TCF7L1: variants seen among roughly 807,000 people sequenced by gnomAD.
The protein encoded by TCF7L1 is transcription factor 7 like 1.
A neutral mutation model predicts 63.7 loss-of-function variants in TCF7L1; 18 were observed. The observed-to-expected ratio is 0.28, with a 90% CI of 0.20 to 0.42. The LOEUF (loss-of-function observed/expected upper bound fraction) is 0.42, where lower values mean the gene tolerates loss of function less well. Ranked by LOEUF, TCF7L1 falls within the 10% of genes least tolerant of loss-of-function variation. The probability of loss-of-function intolerance (pLI) is 1.00; values close to 1 mark genes in which losing one functional copy is unlikely to be tolerated. For synonymous variants in TCF7L1, 355 were observed against 340.9 expected (o/e 1.04, Z -0.46); for missense variants, 654 against 779.3 (o/e 0.84, Z 1.91).
chr2:85,266,533 G>A (rs924879264), intron 3 of TCF7L1, among the ~76,000 whole-genome samples: 9 of 152,178 alleles, frequency 5.9e-5, no homozygotes, highest in African/African-American at 2.2e-4. Flanking sequence ...GATCTTTGTT[G>A]TCTGGCCCAC....
At chr2:85,223,671 G>A (rs1195733394) in intron 3 of TCF7L1, among the ~76,000 whole-genome samples, 2 of 152,118 alleles carry the variant, frequency 1.3e-5, no homozygotes, top group Non-Finnish European at 2.9e-5. Flanking sequence ...AAAAATTGGG[G>A]GAATGAGTGA....
chr2:85,206,304 C>G (rs530134442), intron 3 of TCF7L1, among the ~76,000 whole-genome samples: 1 of 152,344 alleles, frequency 6.6e-6, no homozygotes, highest in South Asian at 2.1e-4. Flanking sequence ...CAGAGACGCT[C>G]TGCAGTCACT....
rs374855336 is a variant in TCF7L1 at position 85,247,008 on chromosome 2, C to T, written c.442-36487C>T. Among the ~76,000 whole-genome samples the T allele has an allele frequency of 4.6e-5, 7 of 152,310 alleles. No individual in the cohort carries two copies. In the East Asian group the frequency reaches 9.6e-4, roughly 21 times the overall value. Reference sequence around the variant, plus strand: ...GTTTTAGCAGCTCTTTCCTTCATAACTGAAACAGTTGATTGATTGTGCTGT... The same window carrying T: ...GTTTTAGCAGCTCTTTCCTTCATAATTGAAACAGTTGATTGATTGTGCTGT... On this transcript the variant is annotated intron_variant, in intron 3 of 11. Transcript: ENST00000282111.
chr2:85,196,313 T>C (rs1023067470), intron 3 of TCF7L1, among the ~76,000 whole-genome samples: 6 of 152,240 alleles, frequency 3.9e-5, no homozygotes, highest in Non-Finnish European at 7.3e-5. Context: ...TAGGCTGGAC[T>C]CAAACTCCTG....
intron 5 of TCF7L1, 127 bp downstream of exon 5, chr2:85,302,743 G>C: frequency 7.9e-7 from 1 of 1,258,076 alleles, no homozygotes; most frequent in East Asian, 2.3e-5. Flanking sequence ...AGGAGTCTTT[G>C]GACCTTGTCT....
chr2:85,305,497 T>C (rs1682085951), intron 8 of TCF7L1, 94 bp downstream of exon 8: 2 of 1,431,344 alleles, frequency 1.4e-6, no homozygotes, highest in African/African-American at 1.4e-5. Context: ...TACTCTTCTC[T>C]CTTGGTGTCA....
At chr2:85,146,365 C>G (rs933111682) in intron 3 of TCF7L1, among the ~76,000 whole-genome samples, 10 of 151,892 alleles carry the variant, frequency 6.6e-5, no homozygotes, top group Non-Finnish European at 1.2e-4. Flanking sequence ...AATTGAGAGC[C>G]AAATTGACGT....
chr2:85,262,392 G>GAA (rs34479100), intron 3 of TCF7L1: 923 of 308,304 alleles, frequency 3.0e-3, no homozygotes, highest in South Asian at 5.7e-3. Flanking sequence ...TCTCTTAAAA[G>GAA]AAAAAAAAAA....
At chr2:85,274,319 T>C (rs1681223724) in intron 3 of TCF7L1, among the ~76,000 whole-genome samples, 1 of 152,156 alleles carries the variant, frequency 6.6e-6, no homozygotes. Context: ...TTGACATTGT[T>C]TGAAAGCCTA....
intron 3 of TCF7L1, among the ~76,000 whole-genome samples, chr2:85,272,097 G>T (rs2104357308): frequency 6.6e-6 from 1 of 152,314 alleles, no homozygotes; most frequent in Non-Finnish European, 1.5e-5. Flanking sequence ...GTGAGAACCT[G>T]CAGGAGCTCA....
At chr2:85,304,491 C>A (rs2104389191) in intron 7 of TCF7L1, 153 bp downstream of exon 7, 1 of 685,706 alleles carries the variant, frequency 1.5e-6, no homozygotes, top group South Asian at 1.9e-5. Flanking sequence ...ACGTCCCGCG[C>A]TCCCCACCCC....
At chr2:85,218,536 G>A (rs1679763436) in intron 3 of TCF7L1, among the ~76,000 whole-genome samples, 1 of 152,090 alleles carries the variant, frequency 6.6e-6, no homozygotes, top group African/African-American at 2.4e-5. Flanking sequence ...GATTACAGGC[G>A]TGAGCTACCA....
At chr2:85,228,450 A>T (rs1680004049) in intron 3 of TCF7L1, among the ~76,000 whole-genome samples, 1 of 152,162 alleles carries the variant, frequency 6.6e-6, no homozygotes, top group Admixed American at 6.6e-5. Flanking sequence ...ATAGGGTTCC[A>T]GCCTTAGAGG....
intron 3 of TCF7L1, among the ~76,000 whole-genome samples, chr2:85,261,710 G>A (rs1680860362): frequency 6.8e-6 from 1 of 146,552 alleles, no homozygotes; most frequent in Admixed American, 6.9e-5. Context: ...GGGCAACATA[G>A]CAAGATCCCA....
At chr2:85,218,751 G>A (rs1679772309) in intron 3 of TCF7L1, among the ~76,000 whole-genome samples, 2 of 152,116 alleles carry the variant, frequency 1.3e-5, no homozygotes, top group Non-Finnish European at 2.9e-5. Flanking sequence ...AAAGAACACT[G>A]CTTGATTATA....
chr2:85,188,778 G>A (rs1320267118), intron 3 of TCF7L1, among the ~76,000 whole-genome samples: 2 of 152,204 alleles, frequency 1.3e-5, no homozygotes, highest in East Asian at 3.9e-4. Context: ...TGGTATCTTG[G>A]TCCACTCACA....
chr2:85,194,159 A>T (rs918912282), intron 3 of TCF7L1, among the ~76,000 whole-genome samples: 3 of 152,084 alleles, frequency 2.0e-5, no homozygotes, highest in Non-Finnish European at 4.4e-5. Flanking sequence ...TCCCCCAAAC[A>T]GAGCACCTTC....
At chr2:85,142,466 TG>T in intron 3 of TCF7L1, among the ~76,000 whole-genome samples, 1 of 135,882 alleles carries the variant, frequency 7.4e-6, no homozygotes. Context: ...GTGTGTGTGT[TG>T]TGTGTATATA....
chr2:85,232,667 T>TA (rs1349550462), intron 3 of TCF7L1, among the ~76,000 whole-genome samples: 1 of 152,240 alleles, frequency 6.6e-6, no homozygotes, highest in South Asian at 2.1e-4. Flanking sequence ...CCTCCACTGT[T>TA]ATTTTTCTTC....
Sources: allele counts gnomAD v4.1 joint callset (sites outside exome capture counted in the v4.1 genomes callset), GRCh38; gene constraint gnomAD v4.1.1; transcripts MANE v1.5; gene names NCBI Gene and HGNC (gene_info 2026-07-23, HGNC 2026-07-21).